EEIG2: variants seen among roughly 807,000 people sequenced by gnomAD.
The protein encoded by EEIG2 is family with sequence similarity 102 member B.
chr1:108,594,671 A>G, the EEIG2 span, among the ~76,000 whole-genome samples: 4 of 152,218 alleles, frequency 2.6e-5, no homozygotes, highest in African/African-American at 4.8e-5. Context: ...TGCTGTCATC[A>G]TTATCCTTAG....
chr1:108,581,625 A>G, the EEIG2 span, among the ~76,000 whole-genome samples: 1 of 152,190 alleles, frequency 6.6e-6, no homozygotes, highest in Non-Finnish European at 1.5e-5. Context: ...AGATGCGGTG[A>G]AAATAGCAAG....
At chr1:108,567,749 G>C in the EEIG2 span, among the ~76,000 whole-genome samples, 2 of 152,174 alleles carry the variant, frequency 1.3e-5, no homozygotes, top group African/African-American at 2.4e-5. Flanking sequence ...TGTAATCCCA[G>C]CACTTTGGAA....
the EEIG2 span, chr1:108,600,838 G>T: frequency 1.5e-6 from 1 of 682,170 alleles, no homozygotes; most frequent in Non-Finnish European, 2.3e-6. Context: ...AAATACCATG[G>T]CAAATATGAT....
the EEIG2 span, among the ~76,000 whole-genome samples, chr1:108,569,061 C>A: frequency 6.6e-6 from 1 of 152,098 alleles, no homozygotes; most frequent in African/African-American, 2.4e-5. Context: ...CACATATCAA[C>A]TAATGAAAGA....
chr1:108,635,447 A>C, the EEIG2 span: 8 of 329,910 alleles, frequency 2.4e-5, no homozygotes, highest in Non-Finnish European at 4.5e-5. Context: ...CCAGCGGAGA[A>C]AACAGCATTA....
chr1:108,624,072 T>C, the EEIG2 span, among the ~76,000 whole-genome samples: 1 of 152,088 alleles, frequency 6.6e-6, no homozygotes, highest in Non-Finnish European at 1.5e-5. Context: ...CCAATGAAAA[T>C]AGATCCATTA....
the EEIG2 span, among the ~76,000 whole-genome samples, chr1:108,581,314 TG>T: frequency 6.3e-4 from 96 of 152,358 alleles, no homozygotes; most frequent in South Asian, 2.1e-3. Context: ...ATTGTTTTCA[TG>T]CCTGCTAAAA....
At chr1:108,619,997 C>T in the EEIG2 span, among the ~76,000 whole-genome samples, 1 of 152,176 alleles carries the variant, frequency 6.6e-6, no homozygotes, top group African/African-American at 2.4e-5. Flanking sequence ...ACTCCCATAC[C>T]TACTTCCAGA....
chr1:108,574,764 G>A, the EEIG2 span, among the ~76,000 whole-genome samples: 1 of 151,962 alleles, frequency 6.6e-6, no homozygotes, highest in Admixed American at 6.5e-5. Flanking sequence ...GAAAAGGGGG[G>A]GTTAGATGGT....
chr1:108,622,830 A>T, the EEIG2 span, among the ~76,000 whole-genome samples: 1 of 152,238 alleles, frequency 6.6e-6, no homozygotes, highest in Non-Finnish European at 1.5e-5. Context: ...AAGAATTGCC[A>T]TAAAGCAGGT....
At chr1:108,579,513 C>T in the EEIG2 span, among the ~76,000 whole-genome samples, 3 of 147,132 alleles carry the variant, frequency 2.0e-5, no homozygotes, top group Admixed American at 6.9e-5. Context: ...ACCCCACTGT[C>T]AGCATTAGAC....
the EEIG2 span, among the ~76,000 whole-genome samples, chr1:108,574,437 A>G: frequency 6.6e-6 from 1 of 152,200 alleles, no homozygotes; most frequent in Non-Finnish European, 1.5e-5. Flanking sequence ...ATTGGACACT[A>G]CTGAACTGTA....
chr1:108,617,230 T>G, the EEIG2 span, among the ~76,000 whole-genome samples: 1 of 151,964 alleles, frequency 6.6e-6, no homozygotes, highest in Non-Finnish European at 1.5e-5. Flanking sequence ...ACACTCTGAG[T>G]GAGATAGAAA....
the EEIG2 span, chr1:108,626,143 T>C: frequency 6.6e-6 from 1 of 152,242 alleles, no homozygotes; most frequent in Non-Finnish European, 1.5e-5. Flanking sequence ...TACATATTGA[T>C]GTTCCAAAGG....
the EEIG2 span, chr1:108,628,412 TC>T: frequency 6.2e-7 from 1 of 1,613,912 alleles, no homozygotes; most frequent in Non-Finnish European, 8.5e-7. Context: ...CACGTGTCAC[TC>T]CCGGTCATCT....
chr1:108,622,061 G>C, the EEIG2 span, among the ~76,000 whole-genome samples: 1 of 152,184 alleles, frequency 6.6e-6, no homozygotes, highest in Non-Finnish European at 1.5e-5. Flanking sequence ...GGAGGCTGAG[G>C]CAGGAGAATC....
chr1:108,613,299 C>T, the EEIG2 span, among the ~76,000 whole-genome samples: 3 of 152,128 alleles, frequency 2.0e-5, no homozygotes, highest in Non-Finnish European at 4.4e-5. Context: ...CAGGGTTAGA[C>T]GGATGAGGAT....
the EEIG2 span, among the ~76,000 whole-genome samples, chr1:108,623,740 C>T: frequency 2.8e-4 from 42 of 152,052 alleles, no homozygotes; most frequent in Non-Finnish European, 5.1e-4. Context: ...GGTGCAATCT[C>T]GGCTCACTGC....
chr1:108,634,815 A>G, the EEIG2 span, among the ~76,000 whole-genome samples: 5 of 152,200 alleles, frequency 3.3e-5, no homozygotes, highest in Non-Finnish European at 7.3e-5. Context: ...ATAGATAAAC[A>G]TGTTTGAAGA....
Sources: gnomAD v4.1 joint callset for allele counts (sites outside exome capture counted in the v4.1 genomes callset) on GRCh38, gnomAD v4.1.1 for gene constraint, MANE v1.5 for transcripts, NCBI Gene and HGNC (gene_info 2026-07-23, HGNC 2026-07-21) for gene names.